NELL1: variants seen among roughly 807,000 people sequenced by gnomAD.
NELL1 encodes the protein protein kinase C-binding protein NELL1.
NELL1 carries 76 observed loss-of-function variants against 107.4 expected under a neutral mutation model. The ratio of observed to expected loss-of-function variants is 0.71; its 90% confidence interval spans 0.59 to 0.86. The LOEUF is 0.86. NELL1 is among the 40% of genes least tolerant of loss of function. NELL1 has a pLI of 0.00. For missense variants in NELL1, 1,024 were observed against 1,005.5 expected (o/e 1.02, Z -0.25); for synonymous variants, 353 against 341.2 (o/e 1.03, Z -0.38).
intron 15 of NELL1, among the ~76,000 whole-genome samples, chr11:21,475,856 G>A (rs185309464): frequency 6.6e-6 from 1 of 152,288 alleles, no homozygotes; most frequent in African/African-American, 2.4e-5. Flanking sequence ...GTAGAATCCA[G>A]AATTTCATAC....
chr11:21,385,224 G>T (rs182852091), intron 15 of NELL1, among the ~76,000 whole-genome samples: 228 of 151,914 alleles, frequency 1.5e-3, no homozygotes, highest in Admixed American at 4.5e-3. Context: ...ACTCCAGAAG[G>T]GCAGGGGTTC....
At chr11:21,091,412 A>C (rs910485835) in intron 12 of NELL1, among the ~76,000 whole-genome samples, 5 of 152,218 alleles carry the variant, frequency 3.3e-5, no homozygotes, top group Non-Finnish European at 7.3e-5. Flanking sequence ...AATGCATGGA[A>C]ACATGGATAA....
intron 15 of NELL1, among the ~76,000 whole-genome samples, chr11:21,471,226 G>T (rs1019937611): frequency 8.6e-5 from 13 of 151,850 alleles, no homozygotes; most frequent in African/African-American, 3.1e-4. Flanking sequence ...CTTTTCAGCA[G>T]TCTTTCTCTA....
At chr11:20,880,080 A>G (rs1761363689) in intron 4 of NELL1, among the ~76,000 whole-genome samples, 1 of 152,244 alleles carries the variant, frequency 6.6e-6, no homozygotes. Context: ...GAAAAAAGAA[A>G]CCTAAGACTT....
intron 15 of NELL1, among the ~76,000 whole-genome samples, chr11:21,498,006 C>T (rs1033644792): frequency 6.6e-6 from 1 of 151,728 alleles, no homozygotes; most frequent in Non-Finnish European, 1.5e-5. Context: ...TACATTTTGG[C>T]TCTTTATTTT....
At chr11:20,936,577 G>T (rs1290244330) in intron 9 of NELL1, among the ~76,000 whole-genome samples, 1 of 152,268 alleles carries the variant, frequency 6.6e-6, no homozygotes, top group East Asian at 1.9e-4. Context: ...AGGGGGTCTA[G>T]GTTCTTTATC....
chr11:21,180,314 G>A (rs1384981639), intron 13 of NELL1, among the ~76,000 whole-genome samples: 1 of 151,746 alleles, frequency 6.6e-6, no homozygotes, highest in South Asian at 2.1e-4. Context: ...AAATCAGCGG[G>A]TGTTAATTGG....
chr11:21,073,429 C>T (rs1048932130), intron 12 of NELL1, among the ~76,000 whole-genome samples: 1 of 152,100 alleles, frequency 6.6e-6, no homozygotes, highest in Non-Finnish European at 1.5e-5. Flanking sequence ...TATATATGGA[C>T]GTCAGCAAGT....
chr11:21,447,383 C>G (rs1222302148), intron 15 of NELL1, among the ~76,000 whole-genome samples: 1 of 152,156 alleles, frequency 6.6e-6, no homozygotes, highest in Non-Finnish European at 1.5e-5. Flanking sequence ...TGTGCTGAGT[C>G]ATACCTGAAG....
At chr11:21,216,170 G>A (rs1418265851) in intron 13 of NELL1, among the ~76,000 whole-genome samples, 1 of 152,182 alleles carries the variant, frequency 6.6e-6, no homozygotes, top group Admixed American at 6.5e-5. Flanking sequence ...CTTCCATGTA[G>A]TGTTAAGCCT....
At chr11:20,827,390 T>C (rs1857907061) in intron 3 of NELL1, among the ~76,000 whole-genome samples, 1 of 151,406 alleles carries the variant, frequency 6.6e-6, no homozygotes, top group African/African-American at 2.4e-5. Flanking sequence ...CTATTTCTCA[T>C]TGACGGTTTT....
At chr11:20,729,515 A>T (rs1306004408) in intron 2 of NELL1, among the ~76,000 whole-genome samples, 2 of 152,310 alleles carry the variant, frequency 1.3e-5, no homozygotes, top group East Asian at 1.9e-4. Context: ...TTTTATCATA[A>T]AGGGATGTTG....
intron 3 of NELL1, among the ~76,000 whole-genome samples, chr11:20,827,577 G>C (rs895169906): frequency 6.6e-6 from 1 of 151,196 alleles, no homozygotes; most frequent in Non-Finnish European, 1.5e-5. Flanking sequence ...TCTGAGGGTT[G>C]TCTTTATTCC....
At chr11:20,927,287 T>C in intron 7 of NELL1, 21 bp from the exon 8 acceptor site, 2 of 1,589,464 alleles carry the variant, frequency 1.3e-6, no homozygotes, top group Non-Finnish European at 1.7e-6. Flanking sequence ...AGAAATTACA[T>C]TCAGTAACTC....
At chr11:21,271,919 G>A (rs4923488) in intron 14 of NELL1, among the ~76,000 whole-genome samples, 4,102 of 152,296 alleles carry the variant, frequency 0.027, 73 homozygotes, top group East Asian at 0.058. Flanking sequence ...GCATTTGACA[G>A]TGTGGAGCCA....
intron 19 of NELL1, among the ~76,000 whole-genome samples, chr11:21,574,168 C>A (rs1441823215): frequency 6.6e-6 from 1 of 151,876 alleles, no homozygotes; most frequent in Non-Finnish European, 1.5e-5. Flanking sequence ...AAACTAGGAG[C>A]CTACTTGGTC....
In NELL1 at chr11:20,888,271, T is replaced by C. The variant is rs1389155788; in HGVS notation, c.603+2731T>C. ...GAAGAAAATAGGAAGGAGGTTAAAATATAGAACAGATACATGTATATAAAA... is the reference window on the plus strand; with the variant it reads ...GAAGAAAATAGGAAGGAGGTTAAAACATAGAACAGATACATGTATATAAAA... On this transcript the variant is annotated intron_variant, in intron 5 of 19. Transcript: ENST00000357134. Among the ~76,000 whole-genome samples, 3 of 151,994 alleles carry C rather than the reference T, an allele frequency of 2.0e-5. No individual in the cohort carries two copies. The East Asian group carries it at 5.8e-4, about 29-fold the overall frequency.
intron 15 of NELL1, among the ~76,000 whole-genome samples, chr11:21,521,932 CTACT>C (rs1232714647): frequency 6.6e-6 from 1 of 152,150 alleles, no homozygotes; most frequent in Non-Finnish European, 1.5e-5. Context: ...TATCTTTTGC[CTACT>C]TATTAGTGAG....
At chr11:21,290,293 C>T (rs1055770995) in intron 14 of NELL1, among the ~76,000 whole-genome samples, 6 of 151,850 alleles carry the variant, frequency 4.0e-5, no homozygotes, top group African/African-American at 7.2e-5. Context: ...GGCGTGAACC[C>T]GGGAGGTGGA....
Sources: gnomAD v4.1 joint callset for allele counts (sites outside exome capture counted in the v4.1 genomes callset) on GRCh38, gnomAD v4.1.1 for gene constraint, MANE v1.5 for transcripts, NCBI Gene and HGNC (gene_info 2026-07-23, HGNC 2026-07-21) for gene names.